HK1: variants seen among roughly 807,000 people sequenced by gnomAD.
HK1 encodes hexokinase-1.
A neutral mutation model predicts 91.6 loss-of-function variants in HK1; 28 were observed. The observed-to-expected ratio is 0.31, with a 90% CI of 0.23 to 0.42. The LOEUF (loss-of-function observed/expected upper bound fraction) is 0.42, where lower values mean the gene tolerates loss of function less well. HK1 is among the 10% of genes least tolerant of loss of function. The probability of loss-of-function intolerance (pLI) is 1.00; values close to 1 mark genes in which losing one functional copy is unlikely to be tolerated. For synonymous variants in HK1, 430 were observed against 468.1 expected (o/e 0.92, Z 1.05); for missense variants, 770 against 1,219.8 (o/e 0.63, Z 5.49).
chr10:69,313,724 C>A (rs375507581), upstream of HK1, among the ~76,000 whole-genome samples: 2 of 151,966 alleles, frequency 1.3e-5, no homozygotes, highest in East Asian at 3.9e-4. Flanking sequence ...CTCGAACTCC[C>A]GACCAGATGA....
At chr10:69,319,305 G>A in intron 1 of HK1, 1 of 532,478 alleles carries the variant, frequency 1.9e-6, no homozygotes, top group South Asian at 2.1e-5. Context: ...CGGGCTGTGC[G>A]GGGAGGTGGC....
intron 1 of HK1, among the ~76,000 whole-genome samples, chr10:69,270,585 GAA>G (rs374225718): frequency 7.9e-6 from 1 of 127,312 alleles, no homozygotes. Flanking sequence ...GTCTAAAAAA[GAA>G]AAAAAAAAAA....
intron 2 of HK1, 123 bp from the exon 3 acceptor site, chr10:69,359,774 G>C: frequency 1.1e-6 from 1 of 917,088 alleles, no homozygotes; most frequent in Non-Finnish European, 1.8e-6. Context: ...CTGCTTTCTG[G>C]CTGATAACAG....
Position 69,343,795 on chromosome 10 carries a change from CCTCACTCTCCTTCCTT to C in HK1, c.64-27_64-12del. ...CACCTTGCCCTGTCCTCCCCCTCGA[CCTCACTCTCCTTCCTT>C]CTCATCCCCCTCCAGATTGACAAGT... is the stretch of plus-strand genomic sequence containing the variant. On this transcript the variant is annotated splice_polypyrimidine_tract_variant and intron_variant, in intron 1 of 17. Transcript: ENST00000359426. 1 of 1,574,848 alleles carries C rather than the reference CCTCACTCTCCTTCCTT, an allele frequency of 6.3e-7. No homozygotes were observed. The highest frequency in any genetic ancestry group is 1.1e-5 in the South Asian group (1 of 90,404).
At position 69,401,436 on chromosome 10, in the gene HK1, CAG is replaced by C. The variant is rs905118434; in HGVS notation, c.*304_*305del. 2 of 479,864 alleles carry C rather than the reference CAG, an allele frequency of 4.2e-6. No homozygotes were observed. The highest frequency in any genetic ancestry group is 7.7e-6 in the Non-Finnish European group (2 of 260,566). 29.7% of individuals were successfully genotyped at this position (479,864 alleles called of 1,614,324 possible). A position where few individuals can be genotyped will look rare whatever the true frequency, so the allele number is the denominator to read the frequency against. ...ATTTCTAATGTATGCATTCATCCAA[CAG>C]AGTTATTTATTGGCTGGAGATGGAA... is the stretch of plus-strand genomic sequence containing the variant. On this transcript the variant is annotated 3_prime_UTR_variant, in exon 18 of 18. Coordinates refer to ENST00000359426, the MANE Select transcript of HK1 (RefSeq NM_000188.3).
intron 1 of HK1, among the ~76,000 whole-genome samples, chr10:69,334,859 G>A (rs928062826): frequency 7.9e-5 from 12 of 152,220 alleles, no homozygotes; most frequent in Non-Finnish European, 1.8e-4. Flanking sequence ...TAAGGCCGAG[G>A]GGATGCTGAG....
intron 4 of HK1, among the ~76,000 whole-genome samples, chr10:69,366,868 T>A (rs1365300378): frequency 2.6e-5 from 4 of 152,196 alleles, no homozygotes; most frequent in East Asian, 1.9e-4. Context: ...GTGGACTGCG[T>A]TTCACCGTTG....
chr10:69,389,081 AC>A, intron 13 of HK1, 115 bp from the exon 14 acceptor site: 1 of 774,130 alleles, frequency 1.3e-6, no homozygotes, highest in Non-Finnish European at 2.3e-6. Flanking sequence ...TGGTAAGAAA[AC>A]CATCTTAGAT....
At chr10:69,331,820 G>A (rs1003902222) in intron 1 of HK1, among the ~76,000 whole-genome samples, 6 of 152,018 alleles carry the variant, frequency 3.9e-5, no homozygotes, top group African/African-American at 1.5e-4. Context: ...AGGCTGCAGT[G>A]AGCCATGATT....
intron 2 of HK1, among the ~76,000 whole-genome samples, chr10:69,354,289 A>T (rs1384804485): frequency 6.6e-6 from 1 of 152,202 alleles, no homozygotes; most frequent in African/African-American, 2.4e-5. Flanking sequence ...GTCCGTTTTC[A>T]TACTGTTAAA....
intron 4 of HK1, among the ~76,000 whole-genome samples, chr10:69,299,387 A>T (rs541213891): frequency 5.9e-5 from 8 of 134,872 alleles, no homozygotes; most frequent in Non-Finnish European, 9.9e-5. Flanking sequence ...TGTTTGTTTG[A>T]GACGGAGTCT....
At chr10:69,387,885 G>A (rs1390292488) in intron 13 of HK1, among the ~76,000 whole-genome samples, 12 of 142,940 alleles carry the variant, frequency 8.4e-5, no homozygotes, top group African/African-American at 1.8e-4. Context: ...TTTTTTTTTT[G>A]ACTTTTTTTC....
At chr10:69,355,481 T>C (rs1277193378) in intron 2 of HK1, among the ~76,000 whole-genome samples, 2 of 152,100 alleles carry the variant, frequency 1.3e-5, no homozygotes, top group African/African-American at 4.8e-5. Context: ...TGGAACAGAA[T>C]AGAGAGTTCA....
intron 1 of HK1, among the ~76,000 whole-genome samples, chr10:69,273,606 C>T (rs1047681196): frequency 1.3e-5 from 2 of 152,244 alleles, no homozygotes; most frequent in African/African-American, 4.8e-5. Context: ...CCTGTCTTGG[C>T]CTCCCAAAGC....
chr10:69,355,068 CA>C (rs775908068), intron 2 of HK1, among the ~76,000 whole-genome samples: 1,890 of 85,190 alleles, frequency 0.022, 26 homozygotes, highest in African/African-American at 0.063. Flanking sequence ...GACTCCCTCT[CA>C]AAAAAAAAAA....
intron 7 of HK1, among the ~76,000 whole-genome samples, chr10:69,371,190 G>A (rs1422226800): frequency 3.3e-5 from 5 of 152,192 alleles, no homozygotes; most frequent in African/African-American, 7.2e-5. Context: ...AGGTTTCTCA[G>A]TGAGGGAATT....
upstream of HK1, among the ~76,000 whole-genome samples, chr10:69,310,882 C>A (rs1333659828): frequency 1.3e-5 from 2 of 152,080 alleles, no homozygotes; most frequent in African/African-American, 2.4e-5. Context: ...AATGGTGAAA[C>A]CCTGTCTCTA....
intron 16 of HK1, among the ~76,000 whole-genome samples, chr10:69,397,286 T>C (rs1840185685): frequency 6.6e-6 from 1 of 152,186 alleles, no homozygotes; most frequent in Non-Finnish European, 1.5e-5. Context: ...GTGAAAGTTC[T>C]AGTTTCTCCA....
intron 14 of HK1, among the ~76,000 whole-genome samples, chr10:69,391,249 C>T (rs1229546618): frequency 6.6e-6 from 1 of 152,222 alleles, no homozygotes; most frequent in African/African-American, 2.4e-5. Context: ...CCTTGAAATG[C>T]TGAAGACACT....
Sources: allele counts gnomAD v4.1 joint callset (sites outside exome capture counted in the v4.1 genomes callset), GRCh38; gene constraint gnomAD v4.1.1; transcripts MANE v1.5; gene names NCBI Gene and HGNC (gene_info 2026-07-23, HGNC 2026-07-21).